The following CACNA1B variants were observed in gnomAD, a reference collection of about 807,000 sequenced individuals.
CACNA1B encodes the protein calcium voltage-gated channel subunit alpha1 B, also known as voltage-dependent N-type calcium channel subunit alpha-1B.
A neutral mutation model predicts 247.2 loss-of-function variants in CACNA1B; 70 were observed. The observed-to-expected ratio is 0.28, with a 90% CI of 0.23 to 0.35. The LOEUF is 0.35. Ranked by LOEUF, CACNA1B falls within the 10% of genes least tolerant of loss-of-function variation. The probability of loss-of-function intolerance (pLI) is 1.00; values close to 1 mark genes in which losing one functional copy is unlikely to be tolerated. For synonymous variants in CACNA1B, 1,231 were observed against 1,294.4 expected (o/e 0.95, Z 1.05); for missense variants, 2,367 against 3,197.4 (o/e 0.74, Z 6.26).
In CACNA1B at chr9:138,012,198, G is replaced by A. The variant is rs1958733148; in HGVS notation, c.2161-931G>A. Among the ~76,000 whole-genome samples the A allele has an allele frequency of 6.6e-6, 1 of 152,202 alleles. No individual in the cohort carries two copies. The highest frequency in any genetic ancestry group is 1.5e-5 in the Non-Finnish European group (1 of 68,028). On this transcript the variant is annotated intron_variant, in intron 17 of 46. Transcript: ENST00000371372. This position sits in a 1 kb window ranked among gnomAD's most constrained non-coding sequence, Gnocchi z 4.2. Reference sequence around the variant, plus strand: ...GGAGAGGCTTCTGACAGCCACAGCTGGGGAAATGGGGACAGACATGGTCTG... The same window carrying A: ...GGAGAGGCTTCTGACAGCCACAGCTAGGGAAATGGGGACAGACATGGTCTG...
intron 15 of CACNA1B, among the ~76,000 whole-genome samples, chr9:138,000,367 G>A (rs1958561128): frequency 6.6e-6 from 1 of 152,036 alleles, no homozygotes; most frequent in South Asian, 2.1e-4. Context: ...CAAAGTGCTG[G>A]GATTACAGAC....
At chr9:138,016,776 A>AG (rs1206623121) in intron 18 of CACNA1B, among the ~76,000 whole-genome samples, 2 of 152,036 alleles carry the variant, frequency 1.3e-5, no homozygotes, top group African/African-American at 4.8e-5. Context: ...CGCAGGGTGC[A>AG]GGGGGCTGTT....
At chr9:138,108,308 CA>C (rs935431476) in intron 39 of CACNA1B, among the ~76,000 whole-genome samples, 1,380 of 44,090 alleles carry the variant, frequency 0.031, 5 homozygotes, top group African/African-American at 0.059. Flanking sequence ...AACCCCATCT[CA>C]AAAAAAAAAA....
rs765867430 is a variant in CACNA1B at position 138,050,792 on chromosome 9, T to G, written c.3711-1300T>G. Among the ~76,000 whole-genome samples, 15 of 152,084 alleles carry G rather than the reference T, an allele frequency of 9.9e-5. No individual in the cohort carries two copies. The highest frequency in any genetic ancestry group is 2.2e-4 in the Non-Finnish European group (15 of 68,000). ...GCGGAGGAGCTGGTTTGAGAGTGGG[T>G]GTCGGGAGCACTGGGGTGATGGAGA... On this transcript the variant is annotated intron_variant, in intron 24 of 46. Transcript: ENST00000371372. The surrounding 1 kb of genome is among the most constrained non-coding windows in gnomAD (Gnocchi z 5.2).
chr9:138,060,292 A>G (rs898972811), intron 31 of CACNA1B, among the ~76,000 whole-genome samples: 16 of 152,228 alleles, frequency 1.1e-4, no homozygotes, highest in Non-Finnish European at 8.8e-5. Context: ...CTGGAAATCA[A>G]TGGCAGAAAA....
chr9:137,916,081 G>T (rs1030598359), intron 5 of CACNA1B, among the ~76,000 whole-genome samples: 2 of 143,818 alleles, frequency 1.4e-5, no homozygotes, highest in Admixed American at 7.2e-5. Flanking sequence ...TGCCCAGGCT[G>T]GGGGGCAGTG....
intron 20 of CACNA1B, among the ~76,000 whole-genome samples, chr9:138,029,413 G>T (rs1156723431): frequency 1.3e-5 from 2 of 152,070 alleles, no homozygotes; most frequent in Non-Finnish European, 2.9e-5. Flanking sequence ...ATGGATGTTG[G>T]TCTGCTTAAA....
chr9:138,025,371 G>A (rs1564245173), intron 20 of CACNA1B, among the ~76,000 whole-genome samples, 199 bp downstream of exon 20: 1 of 152,220 alleles, frequency 6.6e-6, no homozygotes, highest in African/African-American at 2.4e-5. Flanking sequence ...AGATAACTGA[G>A]GTTGAGCTCC....
At chr9:137,920,015 C>A (rs181021282) in intron 6 of CACNA1B, among the ~76,000 whole-genome samples, 1 of 152,198 alleles carries the variant, frequency 6.6e-6, no homozygotes, top group Admixed American at 6.5e-5. Flanking sequence ...CAGCACCGCA[C>A]GAGGAATAAC....
intron 37 of CACNA1B, among the ~76,000 whole-genome samples, chr9:138,099,529 CTG>C (rs1318695542): frequency 2.7e-5 from 4 of 150,652 alleles, no homozygotes; most frequent in Non-Finnish European, 4.4e-5. Context: ...GTGCACGTGC[CTG>C]TGTGTGCATG....
At chr9:137,991,478 A>G (rs897683610) in intron 15 of CACNA1B, among the ~76,000 whole-genome samples, 2 of 152,250 alleles carry the variant, frequency 1.3e-5, no homozygotes, top group Non-Finnish European at 2.9e-5. Context: ...AGAGAAATCT[A>G]AAAGTTAGGA....
At position 137,952,314 on chromosome 9, in the gene CACNA1B, T is replaced by A; in HGVS notation, c.1007T>A (p.Phe336Tyr). The A allele has an allele frequency of 6.2e-7, 1 of 1,613,670 alleles. No individual in the cohort carries two copies. The highest frequency in any genetic ancestry group is 8.5e-7 in the Non-Finnish European group (1 of 1,179,770). The change falls in exon 7 of 47, where the codon TTC becomes TAC. Residue 336 changes from phenylalanine to tyrosine, a missense_variant. By Grantham distance (22) the Phe-to-Tyr change is conservative. Around this residue, in one of 12 missense-constraint regions of CACNA1B, gnomAD observed 32 missense variants for 37.2 expected, o/e 0.86. Coordinates refer to ENST00000371372, the MANE Select transcript of CACNA1B (RefSeq NM_000718.4). The surrounding 1 kb of genome is among the most constrained non-coding windows in gnomAD (Gnocchi z 4.8). The stretch of plus-strand genomic sequence containing the variant: ...GGCAACACCTGGAACTGGCTCTACT[T>A]CATCCCTCTCATCATCATCGGCTCC... ...AAGNTWNWLY[F>Y]IPLIIIGSFF...
chr9:138,011,435 T>A lies in CACNA1B; in HGVS notation c.2160+1358T>A, dbSNP rs1390464466. Among the ~76,000 whole-genome samples, 1 of 152,206 alleles carries A rather than the reference T, an allele frequency of 6.6e-6. No homozygotes were observed. The highest frequency in any genetic ancestry group is 1.5e-5 in the Non-Finnish European group (1 of 68,034). On this transcript the variant is annotated intron_variant, in intron 17 of 46. Coordinates refer to ENST00000371372, the MANE Select transcript of CACNA1B (RefSeq NM_000718.4). This position sits in a 1 kb window ranked among gnomAD's most constrained non-coding sequence, Gnocchi z 4.2. ...GAGGATCGGGGCCACTGGGGGCCTG[T>A]CTGTGTCTGGCTGTGGGCATTTTTC...
intron 6 of CACNA1B, among the ~76,000 whole-genome samples, chr9:137,928,541 G>A (rs1390715783): frequency 2.0e-5 from 3 of 152,106 alleles, no homozygotes; most frequent in South Asian, 2.1e-4. Flanking sequence ...TTTTAAAAAC[G>A]TTTGGTAGGA....
intron 3 of CACNA1B, among the ~76,000 whole-genome samples, chr9:137,883,156 G>A (rs1212167325): frequency 5.9e-5 from 9 of 152,102 alleles, no homozygotes; most frequent in Admixed American, 2.0e-4. Context: ...CAGGCCAGGG[G>A]CCACCAGCTT....
At chr9:138,002,032 G>A (rs1488275819) in intron 15 of CACNA1B, among the ~76,000 whole-genome samples, 4 of 152,048 alleles carry the variant, frequency 2.6e-5, no homozygotes, top group Admixed American at 2.0e-4. Flanking sequence ...GACTGTTCTT[G>A]GAATTCAGCA....
At chr9:137,904,852 G>A (rs551673613) in intron 3 of CACNA1B, among the ~76,000 whole-genome samples, 15 of 152,064 alleles carry the variant, frequency 9.9e-5, no homozygotes, top group South Asian at 4.2e-4. Context: ...TACTATGTTG[G>A]TGAGAACTCT....
chr9:138,065,121 G>A (rs997386373), intron 31 of CACNA1B, among the ~76,000 whole-genome samples: 11 of 152,120 alleles, frequency 7.2e-5, no homozygotes, highest in Admixed American at 2.6e-4. Flanking sequence ...AGGTGCCCTC[G>A]CCAGGGTATT....
At chr9:137,896,238 CAAA>C (rs34505431) in intron 3 of CACNA1B, among the ~76,000 whole-genome samples, 2 of 69,744 alleles carry the variant, frequency 2.9e-5, no homozygotes, top group African/African-American at 5.8e-5. Context: ...GACTCTGTCT[CAAA>C]AAAAAAAAAA....
Sources: gnomAD v4.1 joint callset for allele counts (sites outside exome capture counted in the v4.1 genomes callset) on GRCh38, gnomAD v4.1.1 for gene constraint, gnomAD v4.1.1 regional missense constraint, Gnocchi (gnomAD v3.1) non-coding constraint, MANE v1.5 for transcripts, NCBI Gene and HGNC (gene_info 2026-07-23, HGNC 2026-07-21) for gene names.